Variants in KLHL29 observed in about 807,000 individuals in gnomAD.
The protein encoded by KLHL29 is kelch-like protein 29.
KLHL29 carries 21 observed loss-of-function variants against 80.4 expected under a neutral mutation model. That is an observed-to-expected ratio of 0.26 (90% confidence interval 0.19 to 0.38). The LOEUF (loss-of-function observed/expected upper bound fraction) is 0.38, where lower values mean the gene tolerates loss of function less well. Ranked by LOEUF, KLHL29 falls within the 10% of genes least tolerant of loss-of-function variation. The pLI is 1.00. For missense variants in KLHL29, 867 were observed against 1,223.9 expected (o/e 0.71, Z 4.35); for synonymous variants, 511 against 526.8 (o/e 0.97, Z 0.41).
intron 2 of KLHL29, among the ~76,000 whole-genome samples, chr2:23,488,670 A>G (rs1665001926): frequency 6.6e-6 from 1 of 152,242 alleles, no homozygotes; most frequent in Admixed American, 6.5e-5. Context: ...TTAAGACATC[A>G]TGAATCAAAA....
chr2:23,650,317 A>G (rs1404775862), intron 5 of KLHL29, among the ~76,000 whole-genome samples: 1 of 152,068 alleles, frequency 6.6e-6, no homozygotes, highest in East Asian at 1.9e-4. Context: ...AGGGACACAG[A>G]ATTATGATTT....
intron 7 of KLHL29, 89 bp downstream of exon 7, chr2:23,691,965 C>G: frequency 2.3e-6 from 3 of 1,318,602 alleles, no homozygotes; most frequent in Non-Finnish European, 3.1e-6. Flanking sequence ...GCGGGGAGGT[C>G]TGTGTGTGCA....
Position 23,440,509 on chromosome 2 carries a change from A to G in KLHL29, c.-153-35051A>G, listed in dbSNP as rs553012090. On this transcript the variant is annotated intron_variant, in intron 1 of 13. Transcript: ENST00000486442. ...TAATTAAACTAAAGAGCTTCTGCAC[A>G]GCAAAAGAAACTACCATCAGAGTGA... Among the ~76,000 whole-genome samples, 5 of 152,334 alleles carry G rather than the reference A, an allele frequency of 3.3e-5. No individual in the cohort carries two copies. The East Asian group carries it at 5.8e-4, about 18-fold the overall frequency.
chr2:23,661,556 C>T (rs1453769386), intron 5 of KLHL29, among the ~76,000 whole-genome samples: 15 of 152,182 alleles, frequency 9.9e-5, no homozygotes. Context: ...CTGGCATGGG[C>T]AGTGGCAGAG....
chr2:23,498,666 G>A (rs1665343546), intron 2 of KLHL29, among the ~76,000 whole-genome samples: 1 of 152,268 alleles, frequency 6.6e-6, no homozygotes, highest in Non-Finnish European at 1.5e-5. Flanking sequence ...CTGCAGTAAT[G>A]CAGATGTCCT....
At chr2:23,591,333 C>T (rs375645419) in intron 3 of KLHL29, among the ~76,000 whole-genome samples, 1 of 152,172 alleles carries the variant, frequency 6.6e-6, no homozygotes, top group South Asian at 2.1e-4. Flanking sequence ...CCGCAGGCTC[C>T]TGTGTCCTGT....
At chr2:23,392,927 T>C (rs1324355719) in intron 1 of KLHL29, among the ~76,000 whole-genome samples, 1 of 152,246 alleles carries the variant, frequency 6.6e-6, no homozygotes, top group Non-Finnish European at 1.5e-5. Flanking sequence ...ACATGCATGA[T>C]ACCTTTTGGA....
chr2:23,595,722 C>T (rs1160054561), intron 3 of KLHL29, among the ~76,000 whole-genome samples: 1 of 152,138 alleles, frequency 6.6e-6, no homozygotes, highest in Non-Finnish European at 1.5e-5. Flanking sequence ...AACACACAGC[C>T]AGGGGACTCC....
chr2:23,591,247 C>T (rs529405689), intron 3 of KLHL29, among the ~76,000 whole-genome samples: 11 of 152,234 alleles, frequency 7.2e-5, no homozygotes, highest in Admixed American at 6.5e-4. Context: ...GAGGCCGGTG[C>T]CCTTGGGGCA....
chr2:23,690,664 G>C (rs369073858), intron 6 of KLHL29: 4 of 152,326 alleles, frequency 2.6e-5, no homozygotes, highest in Middle Eastern at 6.8e-3. Flanking sequence ...CGGCCAAGCC[G>C]ACGGCCTGCG....
rs566611718 is a variant in KLHL29, at chr2:23,463,363, GTTAA to G, written c.-153-12193_-153-12190del. On this transcript the variant is annotated intron_variant, in intron 1 of 13. Coordinates refer to ENST00000486442, the MANE Select transcript of KLHL29 (RefSeq NM_052920.2). ...AAAATTTATACTACATCATATTTGT[GTTAA>G]TTAGAGTCTTCTTACTGATACAGAA... Among the ~76,000 whole-genome samples the G allele has an allele frequency of 4.5e-3, 690 of 151,982 alleles. 6 individuals are homozygous for G. Among genetic ancestry groups the G allele is most frequent in the African/African-American group, 0.016 (646 of 41,448 alleles).
intron 5 of KLHL29, among the ~76,000 whole-genome samples, chr2:23,664,622 C>T (rs1670504680): frequency 6.6e-6 from 1 of 152,188 alleles, no homozygotes; most frequent in African/African-American, 2.4e-5. Flanking sequence ...TTTGATGAGT[C>T]CAGTTGACCA....
intron 2 of KLHL29, among the ~76,000 whole-genome samples, chr2:23,496,392 T>C (rs533378623): frequency 6.6e-6 from 1 of 152,346 alleles, no homozygotes; most frequent in South Asian, 2.1e-4. Context: ...ACCAGACTAT[T>C]GAAACTGCCT....
chr2:23,402,257 C>G (rs1327585893), intron 1 of KLHL29, among the ~76,000 whole-genome samples: 1 of 152,192 alleles, frequency 6.6e-6, no homozygotes. Flanking sequence ...GATTTTCACC[C>G]TCTCAGTGTT....
intron 2 of KLHL29, among the ~76,000 whole-genome samples, chr2:23,513,347 CCTGAATTACCCATAT>C (rs1395248343): frequency 1.3e-5 from 2 of 152,114 alleles, no homozygotes; most frequent in Non-Finnish European, 2.9e-5. Context: ...TTCTGGAGTC[CCTGAATTACCCATAT>C]GGGATCTGAG....
intron 2 of KLHL29, among the ~76,000 whole-genome samples, chr2:23,487,576 C>T (rs913379500): frequency 5.3e-5 from 8 of 152,072 alleles, no homozygotes; most frequent in Non-Finnish European, 7.4e-5. Flanking sequence ...CATCACCTGC[C>T]ATCAAGGCCA....
intron 3 of KLHL29, among the ~76,000 whole-genome samples, chr2:23,600,089 A>G (rs1216703791): frequency 6.6e-6 from 1 of 152,246 alleles, no homozygotes; most frequent in Non-Finnish European, 1.5e-5. Context: ...TATGTTAGCT[A>G]GAATGCAGCC....
chr2:23,437,327 G>T (rs1170625714), intron 1 of KLHL29, among the ~76,000 whole-genome samples: 1 of 152,178 alleles, frequency 6.6e-6, no homozygotes, highest in Non-Finnish European at 1.5e-5. Flanking sequence ...TGGTATTGTG[G>T]CCTTCCATCA....
rs141549189 is a variant in KLHL29, at chr2:23,586,640, C to T, written c.285+24159C>T. ...CCTCCCAAAGTGCTGGGATTACAGGCATGAGCCACCGCGCCCGGCCAGCGT... is the reference window on the plus strand; with the variant it reads ...CCTCCCAAAGTGCTGGGATTACAGGTATGAGCCACCGCGCCCGGCCAGCGT... On this transcript the variant is annotated intron_variant, in intron 3 of 13. Coordinates refer to ENST00000486442, the MANE Select transcript of KLHL29 (RefSeq NM_052920.2). 5.7e-3 allele frequency among the ~76,000 whole-genome samples: 868 copies of T among 152,262 alleles called. 5 individuals carry two copies. The highest frequency in any genetic ancestry group is 0.034 in the Middle Eastern group (10 of 294).
Sources: gnomAD v4.1 joint callset for allele counts (sites outside exome capture counted in the v4.1 genomes callset) on GRCh38, gnomAD v4.1.1 for gene constraint, MANE v1.5 for transcripts, NCBI Gene and HGNC (gene_info 2026-07-23, HGNC 2026-07-21) for gene names.